PRKCB: variants seen among roughly 807,000 people sequenced by gnomAD.
PRKCB encodes protein kinase C beta type.
A neutral mutation model predicts 81.5 loss-of-function variants in PRKCB; 13 were observed. The ratio of observed to expected loss-of-function variants is 0.16; its 90% confidence interval spans 0.10 to 0.25. The LOEUF is 0.25. Ranked by LOEUF, PRKCB falls within the 10% of genes least tolerant of loss-of-function variation. The probability of loss-of-function intolerance (pLI) is 1.00; values close to 1 mark genes in which losing one functional copy is unlikely to be tolerated. For missense variants in PRKCB, 509 were observed against 875.7 expected, an observed-to-expected ratio of 0.58 and a Z score of 5.29; for synonymous variants, 335 against 321.4, an observed-to-expected ratio of 1.04 and a Z score of -0.45.
At chr16:23,976,065 G>A (rs1359685905) in intron 2 of PRKCB, among the ~76,000 whole-genome samples, 1 of 151,946 alleles carries the variant, frequency 6.6e-6, no homozygotes, top group East Asian at 1.9e-4. Flanking sequence ...GCAGCACTTT[G>A]GGAGCCTGAG....
chr16:24,016,764 C>T (rs974360964), intron 3 of PRKCB, among the ~76,000 whole-genome samples: 18 of 152,276 alleles, frequency 1.2e-4, no homozygotes, highest in African/African-American at 4.1e-4. Context: ...TGTTTTTCTC[C>T]TGGCAGCCGT....
intron 2 of PRKCB, among the ~76,000 whole-genome samples, chr16:23,917,108 G>A (rs955119063): frequency 6.6e-6 from 1 of 151,782 alleles, no homozygotes; most frequent in Non-Finnish European, 1.5e-5. Context: ...TATTTTTTGA[G>A]ACAGAGTCTC....
intron 5 of PRKCB, among the ~76,000 whole-genome samples, chr16:24,045,220 T>A (rs1965749798): frequency 6.6e-6 from 1 of 151,824 alleles, no homozygotes. Context: ...CCCCAAATGA[T>A]GGGGTGTTGG....
intron 2 of PRKCB, among the ~76,000 whole-genome samples, chr16:23,941,240 G>A (rs1045057208): frequency 1.3e-5 from 2 of 152,182 alleles, no homozygotes; most frequent in African/African-American, 2.4e-5. Context: ...ACAGGTGGCA[G>A]GCCTGCAGGC....
At chr16:23,985,053 A>G (rs984193474) in intron 2 of PRKCB, among the ~76,000 whole-genome samples, 23 of 152,190 alleles carry the variant, frequency 1.5e-4, no homozygotes, top group Non-Finnish European at 2.6e-4. Context: ...TAAAATAAAT[A>G]TGCTAACAAT....
chr16:23,943,210 C>A (rs1964159703), intron 2 of PRKCB, among the ~76,000 whole-genome samples: 1 of 152,142 alleles, frequency 6.6e-6, no homozygotes, highest in African/African-American at 2.4e-5. Context: ...GATCATCTAC[C>A]TTAGGGTGGT....
chr16:24,159,795 A>G (rs1967225426), intron 10 of PRKCB, among the ~76,000 whole-genome samples: 1 of 152,004 alleles, frequency 6.6e-6, no homozygotes. Flanking sequence ...GGAGGTCAAG[A>G]CCATCCTGGG....
At chr16:23,886,981 C>T (rs1963213457) in intron 2 of PRKCB, among the ~76,000 whole-genome samples, 2 of 152,112 alleles carry the variant, frequency 1.3e-5, no homozygotes, top group African/African-American at 2.4e-5. Flanking sequence ...GGCGTCTTTC[C>T]ACTCCATTTC....
intron 9 of PRKCB, among the ~76,000 whole-genome samples, chr16:24,143,451 G>C (rs913485712): frequency 2.0e-5 from 3 of 152,118 alleles, no homozygotes; most frequent in Non-Finnish European, 4.4e-5. Flanking sequence ...TCTTAAGACA[G>C]AGGGAGGGTA....
intron 5 of PRKCB, among the ~76,000 whole-genome samples, chr16:24,050,334 C>G (rs1286951101): frequency 6.6e-6 from 1 of 152,164 alleles, no homozygotes; most frequent in African/African-American, 2.4e-5. Context: ...GGAGTAGCTT[C>G]CTTATAAAGC....
At chr16:24,106,667 C>A (rs1185859360) in intron 7 of PRKCB, among the ~76,000 whole-genome samples, 1 of 152,164 alleles carries the variant, frequency 6.6e-6, no homozygotes, top group Admixed American at 6.5e-5. Context: ...AATCAATTTA[C>A]AGTCTTATCA....
chr16:24,126,236 G>GA lies in PRKCB; in HGVS notation c.1065+2264dup, dbSNP rs68037705. The stretch of plus-strand genomic sequence containing the variant: ...AAAGGGAGTTTAGAAGTCTAAGGAT[G>GA]AAAAAAAAATAGATGAGGTCAAGAT... On this transcript the variant is annotated intron_variant, in intron 9 of 16. Transcript: ENST00000643927. 8.3e-3 allele frequency among the ~76,000 whole-genome samples: 1,255 copies of GA among 150,654 alleles called. 24 individuals carry two copies. Among genetic ancestry groups the GA allele is most frequent in the African/African-American group, 0.029 (1,199 of 41,152 alleles).
intron 7 of PRKCB, among the ~76,000 whole-genome samples, chr16:24,102,570 A>G (rs920303494): frequency 6.6e-6 from 1 of 152,338 alleles, no homozygotes; most frequent in East Asian, 1.9e-4. Context: ...GGAAGCTATC[A>G]GATGTGGTGC....
intron 2 of PRKCB, among the ~76,000 whole-genome samples, chr16:23,921,888 C>A (rs567058724): frequency 6.6e-6 from 1 of 152,324 alleles, no homozygotes; most frequent in Admixed American, 6.5e-5. Flanking sequence ...GGGTGGGCAT[C>A]AAGGCAGGCC....
chr16:24,186,334 T>A (rs1254287492), intron 15 of PRKCB, among the ~76,000 whole-genome samples: 1 of 152,122 alleles, frequency 6.6e-6, no homozygotes, highest in Non-Finnish European at 1.5e-5. Context: ...ACCCCAGAGA[T>A]TAAGTCTGGG....
At chr16:23,920,498 G>A (rs959449638) in intron 2 of PRKCB, among the ~76,000 whole-genome samples, 1 of 152,112 alleles carries the variant, frequency 6.6e-6, no homozygotes, top group Admixed American at 6.6e-5. Flanking sequence ...CTTTAAAAAA[G>A]GAAATTCATA....
chr16:23,853,271 C>T (rs190172976), intron 2 of PRKCB, among the ~76,000 whole-genome samples: 16 of 152,320 alleles, frequency 1.1e-4, no homozygotes, highest in Non-Finnish European at 1.8e-4. Flanking sequence ...TTATTTCTTA[C>T]TCATGTCACT....
intron 2 of PRKCB, among the ~76,000 whole-genome samples, chr16:23,906,392 T>C (rs778950694): frequency 1.3e-5 from 2 of 152,186 alleles, no homozygotes; most frequent in African/African-American, 2.4e-5. Context: ...TTTTTGTTTG[T>C]GAAAGAACAT....
At chr16:23,928,090 A>G (rs1597249537) in intron 2 of PRKCB, among the ~76,000 whole-genome samples, 1 of 151,784 alleles carries the variant, frequency 6.6e-6, no homozygotes, top group Non-Finnish European at 1.5e-5. Context: ...ATAGAAATGA[A>G]AGAATGTATA....
Sources: allele counts gnomAD v4.1 joint callset (sites outside exome capture counted in the v4.1 genomes callset), GRCh38; gene constraint gnomAD v4.1.1; transcripts MANE v1.5; gene names NCBI Gene and HGNC (gene_info 2026-07-23, HGNC 2026-07-21).